Variants in MYO5A observed in about 807,000 individuals in gnomAD.
MYO5A encodes unconventional myosin-Va.
Under a neutral mutation model 249.7 loss-of-function variants are expected in MYO5A, and 98 were observed. That is an observed-to-expected ratio of 0.39 (90% confidence interval 0.33 to 0.46). MYO5A has a LOEUF of 0.46. Ranked by LOEUF, MYO5A falls within the 20% of genes least tolerant of loss-of-function variation. The pLI is 0.98. For missense variants in MYO5A, 1,696 were observed against 2,308.8 expected (o/e 0.73, Z 5.44); for synonymous variants, 778 against 810.6 (o/e 0.96, Z 0.68).
At chr15:52,526,580 C>T (rs935232921) in intron 1 of MYO5A, among the ~76,000 whole-genome samples, 3 of 152,018 alleles carry the variant, frequency 2.0e-5, no homozygotes, top group African/African-American at 7.2e-5. Flanking sequence ...AAGATGGTCT[C>T]GAACTCCTGA....
chr15:52,446,399 C>T (rs36074938), intron 1 of MYO5A, among the ~76,000 whole-genome samples: 22,893 of 152,310 alleles, frequency 0.15, 1,831 homozygotes, highest in Middle Eastern at 0.22. Context: ...AAGTGAAGAA[C>T]GTTTGGCAGC....
intron 1 of MYO5A, among the ~76,000 whole-genome samples, chr15:52,508,087 C>T (rs2077311867): frequency 1.3e-5 from 2 of 152,084 alleles, no homozygotes; most frequent in African/African-American, 4.8e-5. Context: ...ATGCCCTTAA[C>T]CATATTACGT....
chr15:52,469,073 G>A (rs976806512), intron 1 of MYO5A, among the ~76,000 whole-genome samples: 3 of 152,132 alleles, frequency 2.0e-5, no homozygotes, highest in African/African-American at 4.8e-5. Context: ...ATGTTCTGCA[G>A]CATTGTTTGT....
intron 2 of MYO5A, among the ~76,000 whole-genome samples, chr15:52,430,605 T>A (rs2075505980): frequency 6.6e-6 from 1 of 152,196 alleles, no homozygotes; most frequent in African/African-American, 2.4e-5. Flanking sequence ...AGGAATTTTA[T>A]AATGTCTGTT....
intron 4 of MYO5A, among the ~76,000 whole-genome samples, chr15:52,418,541 G>T (rs1389758682): frequency 6.6e-6 from 1 of 152,138 alleles, no homozygotes; most frequent in South Asian, 2.1e-4. Flanking sequence ...GGAGATGTGA[G>T]GAGGAGATGT....
Position 52,370,215 on chromosome 15 carries a change from T to C in MYO5A, c.3020A>G (p.Lys1007Arg). ...TCGATCTGCATGTTCCTCAATGCATTTTTTCTCTGAACGAGTTTGCTCCAG... is the reference window on the plus strand; with the variant it reads ...TCGATCTGCATGTTCCTCAATGCATCTTTTCTCTGAACGAGTTTGCTCCAG... The part of the protein sequence containing the change: ...KDLEQTRSEK[K>R]CIEEHADRYK... Residue 1007 changes from lysine (K) to arginine (R), a missense_variant, in exon 22 of 42, where the codon AAA becomes AGA. Lys to Arg is a conservative substitution (Grantham distance 26). Coordinates refer to ENST00000399233, the MANE Select transcript of MYO5A (RefSeq NM_001382347.1). 1 of 1,614,172 alleles carries C rather than the reference T, an allele frequency of 6.2e-7. No homozygotes were observed. The highest frequency in any genetic ancestry group is 8.5e-7 in the Non-Finnish European group (1 of 1,180,008).
chr15:52,407,443 C>T, intron 7 of MYO5A, 44 bp from the exon 8 acceptor site: 2 of 1,441,084 alleles, frequency 1.4e-6, no homozygotes, highest in South Asian at 2.3e-5. Context: ...ATGAAAAAGC[C>T]TTGCCTTCTA....
Position 52,392,013 on chromosome 15 carries a change from T to A in MYO5A, c.1459A>T (p.Ile487Leu). Residue 487 changes from isoleucine to leucine, a missense_variant, in exon 12 of 42, where the codon ATA becomes TTA. Ile to Leu is a conservative substitution (Grantham distance 5, BLOSUM62 2). This residue lies in a region of MYO5A where 277 missense variants were observed against 422.4 expected (regional missense o/e 0.66). Transcript: ENST00000399233. ...YMKEQIPWTL[I>L]DFYDNQPCIN... Reference sequence around the variant, plus strand: ...CAAGGCTGATTATCATAAAAATCTATGAGTGTCCATGGAATTTGTTCCTTC... The same window carrying A: ...CAAGGCTGATTATCATAAAAATCTAAGAGTGTCCATGGAATTTGTTCCTTC... 6.2e-7 allele frequency: 1 copy of A among 1,611,620 alleles called. No individual in the cohort carries two copies.
chr15:52,327,753 C>A, intron 36 of MYO5A, 99 bp downstream of exon 36: 1 of 1,282,776 alleles, frequency 7.8e-7, no homozygotes. Context: ...GTTTTAATAA[C>A]AAGCAACTTA....
chr15:52,435,265 CTTTT>C (rs35456308), intron 1 of MYO5A, among the ~76,000 whole-genome samples: 2 of 113,716 alleles, frequency 1.8e-5, no homozygotes, highest in African/African-American at 6.8e-5. Flanking sequence ...ACGTTAACCT[CTTTT>C]TTTTTTTTTT....
intron 13 of MYO5A, 99 bp downstream of exon 13, chr15:52,389,139 G>A (rs2042099568): frequency 7.7e-7 from 1 of 1,290,978 alleles, no homozygotes; most frequent in Admixed American, 2.2e-5. Flanking sequence ...CCTAAAGAAT[G>A]CAAACATCAG....
At chr15:52,454,839 T>A (rs1001192538) in intron 1 of MYO5A, among the ~76,000 whole-genome samples, 4 of 152,028 alleles carry the variant, frequency 2.6e-5, no homozygotes, top group African/African-American at 9.7e-5. Flanking sequence ...AAGAAAGATG[T>A]TTATAGCAAT....
rs1420676547 is a variant in MYO5A at position 52,466,405 on chromosome 15, G to T, written c.28-33120C>A. 2.6e-5 allele frequency among the ~76,000 whole-genome samples: 4 copies of T among 152,286 alleles called. No homozygotes were observed. The East Asian group carries it at 7.7e-4, about 29-fold the overall frequency. On this transcript the variant is annotated intron_variant, in intron 1 of 41. Coordinates refer to ENST00000399233, the MANE Select transcript of MYO5A (RefSeq NM_001382347.1). ...ACCAGAGGAGGAGAAGTGCCAGAGA[G>T]GTGTAGTATTGAGCTGCACAGTGAC...
chr15:52,395,326 T>C (rs924625949), intron 11 of MYO5A, among the ~76,000 whole-genome samples: 2 of 152,216 alleles, frequency 1.3e-5, no homozygotes, highest in Non-Finnish European at 2.9e-5. Flanking sequence ...AGATCCTCTT[T>C]TGTTTTTTAA....
At chr15:52,456,123 T>C (rs1294233732) in intron 1 of MYO5A, among the ~76,000 whole-genome samples, 1 of 151,966 alleles carries the variant, frequency 6.6e-6, no homozygotes, top group Non-Finnish European at 1.5e-5. Context: ...AATTGCAGGA[T>C]ACAAAATCAA....
chr15:52,465,267 A>T (rs1239991647), intron 1 of MYO5A, among the ~76,000 whole-genome samples: 3 of 152,170 alleles, frequency 2.0e-5, no homozygotes, highest in Non-Finnish European at 4.4e-5. Flanking sequence ...GGGCTGCATG[A>T]TGCTTTCTTA....
intron 34 of MYO5A, among the ~76,000 whole-genome samples, chr15:52,335,516 CAAAAAAAA>C (rs397854139): frequency 1.9e-4 from 12 of 64,048 alleles, no homozygotes; most frequent in African/African-American, 4.0e-4. Flanking sequence ...ACTCTGTCTC[CAAAAAAAA>C]AAAAAAAAAA....
rs1041168518 is a variant in MYO5A, at chr15:52,501,848, A to T, written c.27+26932T>A. ...ATAAACTTCCATAACATAGGCATAC[A>T]CACAGACACACACACACATACATAT... On this transcript the variant is annotated intron_variant, in intron 1 of 41. Coordinates refer to ENST00000399233, the MANE Select transcript of MYO5A (RefSeq NM_001382347.1). Among the ~76,000 whole-genome samples the T allele has an allele frequency of 6.9e-5, 10 of 144,558 alleles. No homozygotes were observed. In the East Asian group the frequency reaches 2.0e-3, roughly 29 times the overall value. The allele number at this position is 144,558 out of a possible 152,430, so 94.8% of individuals were successfully genotyped here.
At chr15:52,402,852 A>G (rs1445972121) in intron 9 of MYO5A, among the ~76,000 whole-genome samples, 2 of 152,194 alleles carry the variant, frequency 1.3e-5, no homozygotes, top group East Asian at 3.9e-4. Flanking sequence ...CTCAAAAAGA[A>G]AAAAACAAAA....
Sources: allele counts gnomAD v4.1 joint callset (sites outside exome capture counted in the v4.1 genomes callset), GRCh38; gene constraint gnomAD v4.1.1; regional missense constraint gnomAD v4.1.1; transcripts MANE v1.5; gene names NCBI Gene and HGNC (gene_info 2026-07-23, HGNC 2026-07-21).